SLIT3: variants seen among roughly 807,000 people sequenced by gnomAD.
The protein encoded by SLIT3 is slit homolog 3 protein.
A neutral mutation model predicts 184.0 loss-of-function variants in SLIT3; 68 were observed. The observed-to-expected ratio is 0.37, with a 90% CI of 0.30 to 0.45. The LOEUF is 0.45. SLIT3 is among the 20% of genes least tolerant of loss of function. The probability of loss-of-function intolerance (pLI) is 1.00; values close to 1 mark genes in which losing one functional copy is unlikely to be tolerated. For missense variants in SLIT3, 1,707 were observed against 2,026.0 expected (o/e 0.84, Z 3.02); for synonymous variants, 831 against 828.6 (o/e 1.00, Z -0.05).
At position 168,685,749 on chromosome 5, in the gene SLIT3, T is replaced by C. The variant is rs896025088; in HGVS notation, c.3493A>G (p.Lys1165Glu). Residue 1165 changes from lysine to glutamate, a missense_variant, in exon 31 of 36, where the codon AAA (lysine) becomes GAA (glutamate). Physicochemically the swap from Lys to Glu is moderately conservative, Grantham distance 56. This residue lies in a region of SLIT3 where 387 missense variants were observed against 477.9 expected (regional missense o/e 0.81). Transcript: ENST00000519560. ...EKLITVNFVG[K>E]DSYVELASAK... ...GAGGCCAGTTCCACGTAGGAGTCTT[T>C]GCCCACGAAGTTGACAGTGATGAGC... 5 of 1,603,908 alleles carry C rather than the reference T, an allele frequency of 3.1e-6. No individual in the cohort carries two copies. Among genetic ancestry groups the C allele is most frequent in the East Asian group, 2.2e-5 (1 of 44,748 alleles).
chr5:168,857,806 A>G (rs897991966), intron 5 of SLIT3, among the ~76,000 whole-genome samples: 33 of 152,194 alleles, frequency 2.2e-4, no homozygotes, highest in Middle Eastern at 3.2e-3. Flanking sequence ...ATGTGGTATT[A>G]ACTTCTACCA....
chr5:169,183,036 G>A (rs1206926446), intron 4 of SLIT3, among the ~76,000 whole-genome samples: 1 of 152,296 alleles, frequency 6.6e-6, no homozygotes, highest in South Asian at 2.1e-4. Context: ...GTCTGAGAAA[G>A]AGCGAGGTGG....
At chr5:168,792,709 C>T (rs1756419260) in intron 10 of SLIT3, among the ~76,000 whole-genome samples, 2 of 152,190 alleles carry the variant, frequency 1.3e-5, no homozygotes, top group South Asian at 4.1e-4. Flanking sequence ...AGGTGTCAGG[C>T]CTACCAGTCA....
At chr5:168,963,344 G>A (rs187395953) in intron 4 of SLIT3, among the ~76,000 whole-genome samples, 1 of 151,988 alleles carries the variant, frequency 6.6e-6, no homozygotes, top group African/African-American at 2.4e-5. Flanking sequence ...GCTGATTTTT[G>A]TATTTTTAGT....
chr5:168,880,893 T>C (rs1006042730), intron 5 of SLIT3, among the ~76,000 whole-genome samples: 6 of 152,230 alleles, frequency 3.9e-5, no homozygotes, highest in African/African-American at 1.4e-4. Context: ...TGTTGATTGG[T>C]ACTTTACTAA....
At chr5:168,889,148 G>A (rs1401261051) in intron 4 of SLIT3, among the ~76,000 whole-genome samples, 2 of 152,182 alleles carry the variant, frequency 1.3e-5, no homozygotes, top group Non-Finnish European at 2.9e-5. Flanking sequence ...CAAACATGCA[G>A]GAAAAATTAT....
chr5:168,776,753 A>G (rs1022968449), intron 12 of SLIT3, among the ~76,000 whole-genome samples: 1 of 152,174 alleles, frequency 6.6e-6, no homozygotes, highest in Non-Finnish European at 1.5e-5. Flanking sequence ...TAGAGCAGAG[A>G]AACAGGGAGA....
At chr5:168,744,480 TCTAAGACTTTCA>T (rs1763741886) in intron 20 of SLIT3, among the ~76,000 whole-genome samples, 1 of 152,176 alleles carries the variant, frequency 6.6e-6, no homozygotes, top group Non-Finnish European at 1.5e-5. Context: ...GAAGTAGCCA[TCTAAGACTTTCA>T]CAGATAGAGA....
At chr5:168,794,147 T>G (rs1442064084) in intron 10 of SLIT3, among the ~76,000 whole-genome samples, 1 of 152,122 alleles carries the variant, frequency 6.6e-6, no homozygotes, top group East Asian at 1.9e-4. Context: ...GCCCTCCCAC[T>G]CGAGGGAAAG....
intron 23 of SLIT3, 65 bp from the exon 24 acceptor site, chr5:168,712,419 G>A (rs1762586905): frequency 1.7e-5 from 24 of 1,388,356 alleles, no homozygotes; most frequent in Non-Finnish European, 2.3e-5. Flanking sequence ...TATTCTCAGG[G>A]CCTCCAGTGC....
At chr5:168,845,139 C>T (rs1758413678) in intron 5 of SLIT3, among the ~76,000 whole-genome samples, 1 of 152,108 alleles carries the variant, frequency 6.6e-6, no homozygotes, top group African/African-American at 2.4e-5. Context: ...AGTGCTAAAT[C>T]TCAAGGCTTT....
intron 4 of SLIT3, among the ~76,000 whole-genome samples, chr5:169,032,087 T>C (rs1366078452): frequency 6.6e-6 from 1 of 152,150 alleles, no homozygotes; most frequent in African/African-American, 2.4e-5. Context: ...TGGCCCTCAT[T>C]TTCCCCATTT....
At chr5:169,123,947 A>C (rs527556451) in intron 4 of SLIT3, among the ~76,000 whole-genome samples, 28 of 152,318 alleles carry the variant, frequency 1.8e-4, no homozygotes, top group Admixed American at 1.8e-3. Context: ...TACACCCAGG[A>C]AAGCTTCGCC....
chr5:169,031,447 T>C (rs780735827), intron 4 of SLIT3, among the ~76,000 whole-genome samples: 1 of 152,112 alleles, frequency 6.6e-6, no homozygotes, highest in Non-Finnish European at 1.5e-5. Context: ...ATAAAAGCTA[T>C]GCAGGAAAGA....
At chr5:169,102,309 C>T (rs935145341) in intron 4 of SLIT3, among the ~76,000 whole-genome samples, 3 of 152,184 alleles carry the variant, frequency 2.0e-5, no homozygotes, top group Non-Finnish European at 4.4e-5. Context: ...AGAACATAGA[C>T]ATTTTTGGAT....
chr5:169,228,313 C>T (rs1764879484), intron 3 of SLIT3, among the ~76,000 whole-genome samples: 1 of 151,968 alleles, frequency 6.6e-6, no homozygotes, highest in Admixed American at 6.6e-5. Context: ...AAAGGCCTCC[C>T]CAGGGGAGGA....
intron 26 of SLIT3, among the ~76,000 whole-genome samples, chr5:168,701,714 T>C (rs1450904305): frequency 3.3e-5 from 5 of 152,178 alleles, no homozygotes; most frequent in Admixed American, 3.3e-4. Context: ...TTACAGGACC[T>C]GGTAGCGTGG....
intron 4 of SLIT3, among the ~76,000 whole-genome samples, chr5:168,948,776 G>A (rs974469525): frequency 6.6e-6 from 1 of 152,172 alleles, no homozygotes; most frequent in Non-Finnish European, 1.5e-5. Context: ...GCTGCCCCCG[G>A]GTTATTCTCT....
chr5:169,243,591 G>A (rs758600151), intron 3 of SLIT3, among the ~76,000 whole-genome samples: 12 of 152,178 alleles, frequency 7.9e-5, no homozygotes, highest in Non-Finnish European at 1.5e-4. Context: ...ACTAACTGAC[G>A]TGCAATGGGG....
Sources: allele counts gnomAD v4.1 joint callset (sites outside exome capture counted in the v4.1 genomes callset), GRCh38; gene constraint gnomAD v4.1.1; regional missense constraint gnomAD v4.1.1; transcripts MANE v1.5; gene names NCBI Gene and HGNC (gene_info 2026-07-23, HGNC 2026-07-21).